GSE1: variants seen among roughly 807,000 people sequenced by gnomAD.
GSE1 encodes the protein Gse1 coiled-coil protein.
GSE1 carries 32 observed loss-of-function variants against 112.6 expected under a neutral mutation model. The ratio of observed to expected loss-of-function variants is 0.28; its 90% CI spans 0.21 to 0.38. The LOEUF (loss-of-function observed/expected upper bound fraction) is 0.38, where lower values mean the gene tolerates loss of function less well. GSE1 is among the 10% of genes least tolerant of loss of function. The pLI is 1.00. For synonymous variants in GSE1, 1,115 were observed against 735.6 expected, an observed-to-expected ratio of 1.52 and a Z score of -8.35; for missense variants, 2,348 against 1,699.2, an observed-to-expected ratio of 1.38 and a Z score of -6.71.
chr16:85,205,685 C>A (rs1291605540), intron 1 of GSE1, among the ~76,000 whole-genome samples: 2 of 152,198 alleles, frequency 1.3e-5, no homozygotes, highest in African/African-American at 2.4e-5. Flanking sequence ...CCCTGGGCAG[C>A]ATGCGGTGTC....
At chr16:85,303,756 G>A (rs1314108345) in intron 1 of GSE1, among the ~76,000 whole-genome samples, 1 of 152,250 alleles carries the variant, frequency 6.6e-6, no homozygotes, top group Non-Finnish European at 1.5e-5. Flanking sequence ...CTGGGAAAGC[G>A]GCTGCGGCCT....
At chr16:85,476,335 C>G (rs975897210) in intron 2 of GSE1, among the ~76,000 whole-genome samples, 1 of 152,156 alleles carries the variant, frequency 6.6e-6, no homozygotes, top group Non-Finnish European at 1.5e-5. Flanking sequence ...CTTGCAGGCA[C>G]CTGCCGAGGC....
chr16:85,612,398 C>T (rs909178290), upstream of GSE1, among the ~76,000 whole-genome samples: 10 of 151,828 alleles, frequency 6.6e-5, no homozygotes, highest in African/African-American at 2.4e-4. Flanking sequence ...TGGGGGGTGC[C>T]AGGAATGGGG....
intron 1 of GSE1, among the ~76,000 whole-genome samples, chr16:85,271,050 C>G (rs534864901): frequency 6.6e-6 from 1 of 152,252 alleles, no homozygotes; most frequent in African/African-American, 2.4e-5. Flanking sequence ...ATCTCTTTTT[C>G]TAGGTGCTTT....
chr16:85,293,949 G>A (rs1745052627), intron 1 of GSE1, among the ~76,000 whole-genome samples: 2 of 152,178 alleles, frequency 1.3e-5, no homozygotes, highest in African/African-American at 4.8e-5. Flanking sequence ...AGTCTGTGGT[G>A]GACCTGAAGT....
chr16:85,470,780 C>T lies in GSE1; in HGVS notation c.2464+113137C>T, dbSNP rs371821871. On this transcript the variant is annotated intron_variant, in intron 2 of 2. Transcript: ENST00000637419. ...CCCCACAGCTGCTGGGGTGGAGAAA[C>T]GCTGTGACCCAGTCAGTGTTTCTTT... 1.0e-3 allele frequency among the ~76,000 whole-genome samples: 159 copies of T among 152,176 alleles called. 1 individual carries two copies. Among genetic ancestry groups the T allele is most frequent in the African/African-American group, 3.6e-3 (148 of 41,508 alleles).
chr16:85,244,824 C>G (rs1905458504), intron 1 of GSE1, among the ~76,000 whole-genome samples: 1 of 152,092 alleles, frequency 6.6e-6, no homozygotes, highest in African/African-American at 2.4e-5. Context: ...AATCCTGTCT[C>G]TACTAAAAAT....
In GSE1 at chr16:85,261,807, G is replaced by A. The variant is rs546669142; in HGVS notation, c.2283+90000G>A. ...AGTCTACAGACAAGGAAGCTGAGGG[G>A]GTTGAGAATGTGCCTGTGTTTCTGC... On this transcript the variant is annotated intron_variant, in intron 1 of 2. Coordinates refer to the GSE1 transcript ENST00000637419. 1.2e-4 allele frequency among the ~76,000 whole-genome samples: 19 copies of A among 152,322 alleles called. No individual in the cohort carries two copies. In the South Asian group the frequency reaches 3.5e-3, roughly 28 times the overall value.
At chr16:85,569,692 C>T (rs564695392) in intron 1 of GSE1, among the ~76,000 whole-genome samples, 4 of 152,330 alleles carry the variant, frequency 2.6e-5, no homozygotes, top group African/African-American at 9.6e-5. Flanking sequence ...CGGGTATATG[C>T]GGATGACTGC....
At chr16:85,212,482 G>A (rs1340424359) in intron 1 of GSE1, among the ~76,000 whole-genome samples, 1 of 152,174 alleles carries the variant, frequency 6.6e-6, no homozygotes, top group African/African-American at 2.4e-5. Flanking sequence ...TAGGACTGAT[G>A]TAGTCATAAG....
chr16:85,395,311 C>T (rs571212897), intron 2 of GSE1, among the ~76,000 whole-genome samples: 2 of 152,250 alleles, frequency 1.3e-5, no homozygotes, highest in South Asian at 2.1e-4. Flanking sequence ...GCCTGCTGAG[C>T]GTGTTAGAAA....
intron 1 of GSE1, among the ~76,000 whole-genome samples, chr16:85,589,585 C>A (rs951052951): frequency 6.6e-6 from 1 of 152,134 alleles, no homozygotes; most frequent in African/African-American, 2.4e-5. Context: ...AGCATCGTGC[C>A]TGAGCATGTG....
chr16:85,364,777 G>A (rs1039213105), intron 2 of GSE1, among the ~76,000 whole-genome samples: 5 of 152,130 alleles, frequency 3.3e-5, no homozygotes, highest in African/African-American at 9.7e-5. Flanking sequence ...CCAGACGCAC[G>A]GGGAGCAGGA....
intron 2 of GSE1, among the ~76,000 whole-genome samples, chr16:85,408,036 C>A (rs1223915781): frequency 2.0e-5 from 1 of 49,790 alleles, no homozygotes; most frequent in African/African-American, 1.2e-4. Context: ...TCAGGGCCCC[C>A]CTGGATAATC....
Position 85,380,514 on chromosome 16 carries a change from C to CG in GSE1, c.2464+22871_2464+22872insG, listed in dbSNP as rs60407431. Reference sequence around the variant, plus strand: ...GTGAGGCAAGGTGGGAGGACACCCCCCCTCCACCCGCCACCCTGGTACCCC... The same window carrying CG: ...GTGAGGCAAGGTGGGAGGACACCCCCGCCTCCACCCGCCACCCTGGTACCCC... On this transcript the variant is annotated intron_variant, in intron 2 of 2. Coordinates refer to the GSE1 transcript ENST00000637419. Among the ~76,000 whole-genome samples, 75 of 151,964 alleles carry CG rather than the reference C, an allele frequency of 4.9e-4. No homozygotes were observed. In the East Asian group the frequency reaches 7.9e-3, roughly 16 times the overall value.
chr16:85,526,320 C>T (rs11642158), intron 2 of GSE1, among the ~76,000 whole-genome samples: 3,495 of 152,364 alleles, frequency 0.023, 68 homozygotes, highest in Non-Finnish European at 0.035. Context: ...GCGTGCAAGG[C>T]AATGTTGGGG....
rs1370831347 is a variant in GSE1 at position 85,661,503 on chromosome 16, C to T, written c.1998C>T (p.Pro666=). 2.5e-6 allele frequency: 4 copies of T among 1,611,748 alleles called. No individual in the cohort carries two copies. In the African/African-American group the frequency reaches 4.0e-5, roughly 16 times the overall value. ...AGGGAGGGAGCCTGGAGCACCAGCCCTTCCTGCCCGGGCCCGGGCCCTTCC... is the reference window on the plus strand; with the variant it reads ...AGGGAGGGAGCCTGGAGCACCAGCCTTTCCTGCCCGGGCCCGGGCCCTTCC... ...PREGGSLEHQ[P]FLPGPGPFLA... Residue 666 remains proline (P), a synonymous_variant, in exon 9 of 16, where the codon CCC becomes CCT. Coordinates refer to ENST00000253458, the MANE Select transcript of GSE1 (RefSeq NM_014615.5).
intron 2 of GSE1, among the ~76,000 whole-genome samples, chr16:85,641,776 G>A (rs1258274342): frequency 6.6e-6 from 1 of 152,258 alleles, no homozygotes; most frequent in Non-Finnish European, 1.5e-5. Context: ...TTCAAGGAAA[G>A]TGGCTGGGGT....
In GSE1 at chr16:85,388,284, A is replaced by ATGGG. The variant is rs1473556061; in HGVS notation, c.2464+30649_2464+30652dup. Among the ~76,000 whole-genome samples the ATGGG allele has an allele frequency of 4.0e-3, 420 of 104,020 alleles. 75 individuals are homozygous for ATGGG. Among genetic ancestry groups the ATGGG allele is most frequent in the African/African-American group, 0.017 (396 of 23,114 alleles). 68.2% of individuals were successfully genotyped at this position (104,020 alleles called of 152,430 possible). ...TATGGCTGGATGGATGGGTGAGTGGATGGGTGGGTGGATGGATGGATGGAT... is the reference window on the plus strand; with the variant it reads ...TATGGCTGGATGGATGGGTGAGTGGATGGGTGGGTGGGTGGATGGATGGATGGAT... On this transcript the variant is annotated intron_variant, in intron 2 of 2. Transcript: ENST00000637419.
Sources: gnomAD v4.1 joint callset for allele counts (sites outside exome capture counted in the v4.1 genomes callset) on GRCh38, gnomAD v4.1.1 for gene constraint, MANE v1.5 for transcripts, NCBI Gene and HGNC (gene_info 2026-07-23, HGNC 2026-07-21) for gene names.